Variants in GPR37 observed in about 807,000 individuals in gnomAD.
GPR37 encodes the protein G protein-coupled receptor 37.
In GPR37, 20 loss-of-function variants were observed where a neutral mutation model predicts 43.6. The ratio of observed to expected loss-of-function variants is 0.46; its 90% CI spans 0.32 to 0.67. The LOEUF is 0.67. GPR37 is among the 30% of genes least tolerant of loss of function. The pLI is 0.03. For synonymous variants in GPR37, 315 were observed against 322.6 expected (o/e 0.98, Z 0.25); for missense variants, 724 against 797.2 (o/e 0.91, Z 1.11).
chr7:124,763,795 T>C (rs575810287), intron 1 of GPR37, among the ~76,000 whole-genome samples, 159 bp downstream of exon 1: 19 of 152,274 alleles, frequency 1.2e-4, no homozygotes, highest in African/African-American at 4.6e-4. Context: ...TTTTTGTATA[T>C]ACATACATGC....
At position 124,764,563 on chromosome 7, in the gene GPR37, G is replaced by T. The variant is rs200011907; in HGVS notation, c.414C>A (p.Asn138Lys). The change falls in exon 1 of 2, where the codon AAC becomes AAA. Residue 138 changes from asparagine (N) to lysine (K), a missense_variant. Asn to Lys is a moderately conservative substitution (Grantham distance 94). This residue lies in a region of GPR37 where 382 missense variants were observed against 355.4 expected (regional missense o/e 1.07). Transcript: ENST00000303921. The surrounding 1 kb of genome is among the most constrained non-coding windows in gnomAD (Gnocchi z 5.4). ...QEPSETLGRGNPTALQLFLQI... is the reference protein window; with the variant it reads ...QEPSETLGRGKPTALQLFLQI... ...GAAGGAAGAGCTGGAGGGCCGTGGG[G>T]TTCCCTCTCCCCAAAGTTTCAGAAG... 2.2e-4 allele frequency: 353 copies of T among 1,612,810 alleles called. 2 individuals are homozygous for T. Among genetic ancestry groups the T allele is most frequent in the Non-Finnish European group, 1.9e-4 (226 of 1,179,666 alleles).
chr7:124,758,114 T>C (rs1041112964), intron 1 of GPR37, among the ~76,000 whole-genome samples: 3 of 152,080 alleles, frequency 2.0e-5, no homozygotes, highest in Admixed American at 1.3e-4. Context: ...TTATGATCAA[T>C]GGAAAAGGAA....
Position 124,762,542 on chromosome 7 carries a change from T to C in GPR37, c.1023+1412A>G, listed in dbSNP as rs181540808. On this transcript the variant is annotated intron_variant, in intron 1 of 1. Transcript: ENST00000303921. ...GACCTTGAAGAGGCAGTTTGGTAAATAGACACATATTCTCTAACATGAGTT... is the reference window on the plus strand; with the variant it reads ...GACCTTGAAGAGGCAGTTTGGTAAACAGACACATATTCTCTAACATGAGTT... 9.0e-3 allele frequency among the ~76,000 whole-genome samples: 1,359 copies of C among 151,448 alleles called. 7 individuals are homozygous for C. Among genetic ancestry groups the C allele is most frequent in the Non-Finnish European group, 0.015 (1,039 of 67,902 alleles).
intron 1 of GPR37, among the ~76,000 whole-genome samples, chr7:124,753,932 C>T (rs1302728349): frequency 6.6e-6 from 1 of 152,010 alleles, no homozygotes; most frequent in Non-Finnish European, 1.5e-5. Context: ...GAGAAATTAA[C>T]CCGGTCAGTA....
rs1793659418 is a variant in GPR37 at position 124,745,391 on chromosome 7, A to G, written c.*1134T>C. Among the ~76,000 whole-genome samples the G allele has an allele frequency of 6.6e-6, 1 of 152,190 alleles. No individual in the cohort carries two copies. Among genetic ancestry groups the G allele is most frequent in the Non-Finnish European group, 1.5e-5 (1 of 68,040 alleles). On this transcript the variant is annotated 3_prime_UTR_variant, in exon 2 of 2. Coordinates refer to ENST00000303921, the MANE Select transcript of GPR37 (RefSeq NM_005302.5). ...CAACTGCTGCATTTTAAACTCCAGAAGAGGCAAAAGAGGGGATTCAAATAT... is the reference window on the plus strand; with the variant it reads ...CAACTGCTGCATTTTAAACTCCAGAGGAGGCAAAAGAGGGGATTCAAATAT...
chr7:124,749,677 T>C (rs937295661), intron 1 of GPR37, among the ~76,000 whole-genome samples: 1 of 152,084 alleles, frequency 6.6e-6, no homozygotes, highest in Non-Finnish European at 1.5e-5. Context: ...GGACATTGTA[T>C]TTATGCCCTG....
At chr7:124,753,268 T>C (rs1379236496) in intron 1 of GPR37, among the ~76,000 whole-genome samples, 1 of 152,082 alleles carries the variant, frequency 6.6e-6, no homozygotes, top group Non-Finnish European at 1.5e-5. Flanking sequence ...TATTATATTC[T>C]ATATTTTGAA....
At chr7:124,751,100 C>A (rs1339781670) in intron 1 of GPR37, among the ~76,000 whole-genome samples, 1 of 152,056 alleles carries the variant, frequency 6.6e-6, no homozygotes, top group Non-Finnish European at 1.5e-5. Flanking sequence ...TCAAATTGAA[C>A]TTTTCTCTGA....
At chr7:124,760,219 G>A (rs1793835907) in intron 1 of GPR37, among the ~76,000 whole-genome samples, 1 of 152,036 alleles carries the variant, frequency 6.6e-6, no homozygotes, top group Non-Finnish European at 1.5e-5. Flanking sequence ...AATAAAATAA[G>A]AAAGTAACAA....
chr7:124,764,262 T>A lies in GPR37; in HGVS notation c.715A>T (p.Asn239Tyr). 1 of 1,598,984 alleles carries A rather than the reference T, an allele frequency of 6.3e-7. No individual in the cohort carries two copies. Among genetic ancestry groups the A allele is most frequent in the Non-Finnish European group, 8.5e-7 (1 of 1,172,694 alleles). The change falls in exon 1 of 2, where the codon AAC becomes TAC. Residue 239 changes from asparagine to tyrosine, a missense_variant. By Grantham distance (143) the Asn-to-Tyr change is moderately radical. Coordinates refer to ENST00000303921, the MANE Select transcript of GPR37 (RefSeq NM_005302.5). This position sits in a 1 kb window ranked among gnomAD's most constrained non-coding sequence, Gnocchi z 5.4. ...IHEPGGPRRG[N>Y]STNRRVRLKN... ...AGTCTCACACGCCGGTTCGTGCTGT[T>A]TCCCCGGCGGGGACCCCCAGGCTCA...
intron 1 of GPR37, among the ~76,000 whole-genome samples, chr7:124,759,185 G>A (rs1793825616): frequency 6.6e-6 from 1 of 151,230 alleles, no homozygotes; most frequent in African/African-American, 2.4e-5. Context: ...TCCTACCCCA[G>A]CCTCCTGAAT....
intron 1 of GPR37, among the ~76,000 whole-genome samples, chr7:124,750,850 C>A (rs1385100492): frequency 6.6e-6 from 1 of 152,074 alleles, no homozygotes; most frequent in Non-Finnish European, 1.5e-5. Flanking sequence ...CATAAGACAA[C>A]AAAAGCCAGG....
chr7:124,754,891 A>G (rs1410001897), intron 1 of GPR37, among the ~76,000 whole-genome samples: 1 of 152,030 alleles, frequency 6.6e-6, no homozygotes, highest in East Asian at 1.9e-4. Context: ...GCATTTTTCC[A>G]TTATCCTTGT....
At chr7:124,763,152 A>C (rs1793869596) in intron 1 of GPR37, among the ~76,000 whole-genome samples, 1 of 152,176 alleles carries the variant, frequency 6.6e-6, no homozygotes, top group African/African-American at 2.4e-5. Context: ...TTCCCAAGAA[A>C]TTTTCTAGTC....
At chr7:124,750,366 A>T (rs891370770) in intron 1 of GPR37, among the ~76,000 whole-genome samples, 1 of 152,136 alleles carries the variant, frequency 6.6e-6, no homozygotes, top group African/African-American at 2.4e-5. Flanking sequence ...GAGTCCACAA[A>T]TACAAGGCTT....
At chr7:124,749,268 AAT>A (rs1344781228) in intron 1 of GPR37, among the ~76,000 whole-genome samples, 1 of 152,098 alleles carries the variant, frequency 6.6e-6, no homozygotes, top group Non-Finnish European at 1.5e-5. Context: ...TTTCAGATAA[AAT>A]ATGAGACTAA....
rs1584722560 is a variant in GPR37 at position 124,746,763 on chromosome 7, T to C, written c.1604A>G (p.Gln535Arg). The C allele has an allele frequency of 6.2e-7, 1 of 1,614,000 alleles. No individual in the cohort carries two copies. The highest frequency in any genetic ancestry group is 1.3e-5 in the African/African-American group (1 of 75,026). The part of the protein sequence containing the change: ...QTMDLLNIIS[Q>R]FLLFFKSCVT... Reference sequence around the variant, plus strand: ...ACAGGACTTAAAGAACAAAAGGAACTGGCTGATGATATTAAGGAGGTCCAT... The same window carrying C: ...ACAGGACTTAAAGAACAAAAGGAACCGGCTGATGATATTAAGGAGGTCCAT... Residue 535 changes from glutamine to arginine, a missense_variant, in exon 2 of 2, where the codon CAG (glutamine) becomes CGG (arginine). Around this residue, in one of 2 missense-constraint regions of GPR37, gnomAD observed 342 missense variants for 441.8 expected, o/e 0.77. Coordinates refer to ENST00000303921, the MANE Select transcript of GPR37 (RefSeq NM_005302.5).
rs188731666 is a variant in GPR37, at chr7:124,754,529, T to C, written c.1024-7186A>G. On this transcript the variant is annotated intron_variant, in intron 1 of 1. Coordinates refer to ENST00000303921, the MANE Select transcript of GPR37 (RefSeq NM_005302.5). The stretch of plus-strand genomic sequence containing the variant: ...AAACGAAACAGTGTCCTAAGCAAAA[T>C]TTCCTTCCTATGAAATTGAATCTAC... Among the ~76,000 whole-genome samples, 103 of 151,940 alleles carry C rather than the reference T, an allele frequency of 6.8e-4. 1 individual carries two copies. Among genetic ancestry groups the C allele is most frequent in the Middle Eastern group, 6.8e-3 (2 of 294 alleles).
At chr7:124,760,506 A>G (rs760357946) in intron 1 of GPR37, among the ~76,000 whole-genome samples, 4 of 152,234 alleles carry the variant, frequency 2.6e-5, no homozygotes, top group Non-Finnish European at 4.4e-5. Context: ...ATTTTAATTA[A>G]CTACCAATTG....
Sources: gnomAD v4.1 joint callset for allele counts (sites outside exome capture counted in the v4.1 genomes callset) on GRCh38, gnomAD v4.1.1 for gene constraint, gnomAD v4.1.1 regional missense constraint, Gnocchi (gnomAD v3.1) non-coding constraint, MANE v1.5 for transcripts, NCBI Gene and HGNC (gene_info 2026-07-23, HGNC 2026-07-21) for gene names.